The following ZNF587B variants were observed in gnomAD, a reference collection of about 807,000 sequenced individuals.
The protein encoded by ZNF587B is zinc finger protein 587B.
A neutral mutation model predicts 7.2 loss-of-function variants in ZNF587B; 6 were observed. That is an observed-to-expected ratio of 0.83 (90% confidence interval 0.46 to 1.65). ZNF587B has a LOEUF of 1.65. ZNF587B is among the 40% of genes most tolerant of loss of function. The pLI, the probability that ZNF587B is intolerant of heterozygous loss-of-function variation, is 0.01. For missense variants in ZNF587B, 749 were observed against 761.0 expected (o/e 0.98, Z 0.19); for synonymous variants, 274 against 254.3 (o/e 1.08, Z -0.74).
At chr19:57,831,282 A>C (rs1988381051) in intron 1 of ZNF587B, among the ~76,000 whole-genome samples, 1 of 152,216 alleles carries the variant, frequency 6.6e-6, no homozygotes, top group Admixed American at 6.5e-5. Flanking sequence ...GGGAGAATCT[A>C]AAAACAGGGT....
chr19:57,845,213 C>G lies in ZNF587B; in HGVS notation c.*2637C>G, dbSNP rs1203554683. ...TGGTCTTGAATTCAACTCTTGAGCT[C>G]AGGTGATCTGCTCACCTCCGCCTTC... On this transcript the variant is annotated 3_prime_UTR_variant, in exon 3 of 3. Coordinates refer to ENST00000594901, the MANE Select transcript of ZNF587B (RefSeq NM_001376223.1). 6.6e-6 allele frequency: 1 copy of G among 152,178 alleles called. No homozygotes were observed. The highest frequency in any genetic ancestry group is 2.4e-5 in the African/African-American group (1 of 41,406). 9.4% of individuals were successfully genotyped at this position (152,178 alleles called of 1,614,324 possible).
chr19:57,843,549 T>C lies in ZNF587B; in HGVS notation c.*973T>C. 4 of 984,618 alleles carry C rather than the reference T, an allele frequency of 4.1e-6. No individual in the cohort carries two copies. Among genetic ancestry groups the C allele is most frequent in the Non-Finnish European group, 4.8e-6 (4 of 829,718 alleles). The allele number at this position is 984,618 out of a possible 1,614,324, so 61.0% of individuals were successfully genotyped here. A position where few individuals can be genotyped will look rare whatever the true frequency, so the allele number is the denominator to read the frequency against. Reference sequence around the variant, plus strand: ...GTCTCCCATTCACGAGAGATTTTTTTTTTAAGTTTTTTGTTTGGTTGGTTG... The same window carrying C: ...GTCTCCCATTCACGAGAGATTTTTTCTTTAAGTTTTTTGTTTGGTTGGTTG... On this transcript the variant is annotated 3_prime_UTR_variant, in exon 3 of 3. Coordinates refer to ENST00000594901, the MANE Select transcript of ZNF587B (RefSeq NM_001376223.1).
Position 57,841,365 on chromosome 19 carries a change from C to T in ZNF587B, c.691C>T (p.Gln231Ter). Residue 231 changes from glutamine to a stop codon, truncating the protein, a stop_gained, in exon 3 of 3, where the codon CAG (glutamine) becomes TAG (stop). Transcript: ENST00000594901. LOFTEE classifies it low-confidence loss of function (END_TRUNC). ...KHFSTKHILS[Q>*]HQRLLPREEC... The stretch of plus-strand genomic sequence containing the variant: ...TTTTAGCACCAAACATATACTCAGT[C>T]AGCACCAGAGACTTCTCCCTCGAGA... 6.3e-7 allele frequency: 1 copy of T among 1,594,792 alleles called. No individual in the cohort carries two copies. The highest frequency in any genetic ancestry group is 1.3e-5 in the African/African-American group (1 of 74,574).
rs1344304079 is a variant in ZNF587B at position 57,841,403 on chromosome 19, G to C, written c.729G>C (p.Val243=). 16 of 1,586,324 alleles carry C rather than the reference G, an allele frequency of 1.0e-5. No homozygotes were observed. Among genetic ancestry groups the C allele is most frequent in the Non-Finnish European group, 1.4e-5 (16 of 1,165,420 alleles). ...QRLLPREECY[V]CCECGKSFSK... is the part of the protein sequence containing the mutation. ...TTCTCCCTCGAGAAGAATGTTATGT[G>C]TGCTGTGAATGTGGGAAATCCTTTA... The change falls in exon 3 of 3, where the codon GTG becomes GTC. Residue 243 remains valine, a synonymous_variant. Transcript: ENST00000594901.
At position 57,839,124 on chromosome 19, in the gene ZNF587B, G is replaced by C. The variant is rs551982428; in HGVS notation, c.138G>C (p.Glu46Asp). 2 of 1,614,204 alleles carry C rather than the reference G, an allele frequency of 1.2e-6. No individual in the cohort carries two copies. The highest frequency in any genetic ancestry group is 1.7e-6 in the Non-Finnish European group (2 of 1,180,038). Reference protein sequence around the residue: ...QRCLYRDVTLENLALMSSLGC... With the variant: ...QRCLYRDVTLDNLALMSSLGC... ...GCCTGTACCGTGATGTGACTCTGGA[G>C]AACCTGGCACTTATGTCCTCCCTGG... Residue 46 changes from glutamate to aspartate, a missense_variant, in exon 2 of 3, where the codon GAG becomes GAC. This residue lies in a region of ZNF587B where 72 missense variants were observed against 147.8 expected (regional missense o/e 0.49). Transcript: ENST00000594901.
chr19:57,831,379 C>T (rs897834011), intron 1 of ZNF587B, among the ~76,000 whole-genome samples: 18 of 152,158 alleles, frequency 1.2e-4, no homozygotes, highest in Non-Finnish European at 2.1e-4. Context: ...GACCTTACCT[C>T]GTTAGATGCA....
In ZNF587B at chr19:57,841,106, A is replaced by C; in HGVS notation, c.432A>C (p.Gly144=). 1 of 1,614,068 alleles carries C rather than the reference A, an allele frequency of 6.2e-7. No individual in the cohort carries two copies. The highest frequency in any genetic ancestry group is 8.5e-7 in the Non-Finnish European group (1 of 1,180,032). Residue 144 remains glycine (G), a synonymous_variant, in exon 3 of 3, where the codon GGA becomes GGC. Coordinates refer to ENST00000594901, the MANE Select transcript of ZNF587B (RefSeq NM_001376223.1). ...ATCAGCACCAGAATGAGCACATTGG[A>C]GAGAAACCCTACAGAGGGAGTGTTG... ...NFHQHQNEHI[G]EKPYRGSVEE...
chr19:57,840,001 C>G (rs915367841), intron 2 of ZNF587B, among the ~76,000 whole-genome samples: 20 of 146,564 alleles, frequency 1.4e-4, no homozygotes, highest in Admixed American at 2.8e-4. Flanking sequence ...CTGCTTGAAC[C>G]CAGGAGGCAG....
intron 1 of ZNF587B, among the ~76,000 whole-genome samples, chr19:57,831,221 T>G (rs537998738): frequency 4.6e-5 from 7 of 152,184 alleles, no homozygotes; most frequent in East Asian, 1.9e-4. Context: ...GGCTCTCTTA[T>G]GTAAGGGAGA....
rs1988852881 is a variant in ZNF587B at position 57,841,608 on chromosome 19, T to C, written c.934T>C (p.Tyr312His). ...ECGKYFSLEG[Y>H]LRRHQKVHAG... is the part of the protein sequence containing the mutation. ...TGGGAAATATTTTAGCTTAGAAGGA[T>C]ATCTTAGGCGCCATCAAAAAGTTCA... The change falls in exon 3 of 3, where the codon TAT (tyrosine) becomes CAT (histidine). Residue 312 changes from tyrosine to histidine, a missense_variant. Transcript: ENST00000594901. 8 of 1,582,484 alleles carry C rather than the reference T, an allele frequency of 5.1e-6. No individual in the cohort carries two copies. The South Asian group carries it at 8.0e-5, about 16-fold the overall frequency.
chr19:57,842,750 G>A lies in ZNF587B; in HGVS notation c.*174G>A. ...CAAGTAAAATAAATTTGGCAGTTTT[G>A]TAGCCACACCTCTGTATTCCTTCAG... On this transcript the variant is annotated 3_prime_UTR_variant, in exon 3 of 3. Transcript: ENST00000594901. 2 of 985,438 alleles carry A rather than the reference G, an allele frequency of 2.0e-6. No homozygotes were observed. Among genetic ancestry groups the A allele is most frequent in the Non-Finnish European group, 2.4e-6 (2 of 829,932 alleles). 61.0% of individuals were successfully genotyped at this position (985,438 alleles called of 1,614,324 possible). A position where few individuals can be genotyped will look rare whatever the true frequency, so the allele number is the denominator to read the frequency against.
Position 57,843,604 on chromosome 19 carries a change from T to TTTTG in ZNF587B, c.*1031_*1032insGTTT, listed in dbSNP as rs1181619889. On this transcript the variant is annotated 3_prime_UTR_variant, in exon 3 of 3. Coordinates refer to ENST00000594901, the MANE Select transcript of ZNF587B (RefSeq NM_001376223.1). ...GTTGGTTGGTTGTTTTTTTTTGTTT[T>TTTTG]TTTTTTTTTTTTTTTTGGAGACAAA... The TTTTG allele has an allele frequency of 1.1e-6, 1 of 874,152 alleles. No individual in the cohort carries two copies. Among genetic ancestry groups the TTTTG allele is most frequent in the African/African-American group, 2.1e-5 (1 of 48,528 alleles). The allele number at this position is 874,152 out of a possible 1,614,324, so 54.1% of individuals were successfully genotyped here.
intron 1 of ZNF587B, among the ~76,000 whole-genome samples, chr19:57,832,355 G>A (rs1988448301): frequency 6.6e-6 from 1 of 152,366 alleles, no homozygotes; most frequent in Non-Finnish European, 1.5e-5. Flanking sequence ...AAAGTGTTGG[G>A]ATTACAGGCG....
rs1988878064 is a variant in ZNF587B at position 57,841,973 on chromosome 19, T to G, written c.1299T>G (p.Thr433=). ...TTAGGAGTCATCAGCGAGTTCACAC[T>G]ACAGAAAGACCTTATAAGTGTGGGG... is the stretch of plus-strand genomic sequence containing the variant. The part of the protein sequence containing the change: ...GHLRSHQRVH[T]TERPYKCGEC... The change falls in exon 3 of 3, where the codon ACT becomes ACG. Residue 433 remains threonine (T), a synonymous_variant. Coordinates refer to ENST00000594901, the MANE Select transcript of ZNF587B (RefSeq NM_001376223.1). 6.2e-7 allele frequency: 1 copy of G among 1,609,982 alleles called. No homozygotes were observed.
Position 57,841,151 on chromosome 19 carries a change from G to T in ZNF587B, c.477G>T (p.Lys159Asn). Residue 159 changes from lysine (K) to asparagine (N), a missense_variant, in exon 3 of 3, where the codon AAG (lysine) becomes AAT (asparagine). Lys to Asn is a moderately conservative substitution (Grantham distance 94). This residue lies in a region of ZNF587B where 656 missense variants were observed against 596.5 expected (regional missense o/e 1.10). Coordinates refer to ENST00000594901, the MANE Select transcript of ZNF587B (RefSeq NM_001376223.1). ...RGSVEEALFV[K>N]RCKLHVSGES... ...GTGTTGAGGAGGCGTTGTTTGTGAAGAGGTGTAAGTTGCATGTGTCAGGGG... is the reference window on the plus strand; with the variant it reads ...GTGTTGAGGAGGCGTTGTTTGTGAATAGGTGTAAGTTGCATGTGTCAGGGG... 1 of 1,614,212 alleles carries T rather than the reference G, an allele frequency of 6.2e-7. No homozygotes were observed. Among genetic ancestry groups the T allele is most frequent in the Non-Finnish European group, 8.5e-7 (1 of 1,180,048 alleles).
Position 57,844,277 on chromosome 19 carries a change from G to C in ZNF587B, c.*1701G>C. 2.4e-6 allele frequency: 1 copy of C among 415,670 alleles called. No homozygotes were observed. Among genetic ancestry groups the C allele is most frequent in the Non-Finnish European group, 4.7e-6 (1 of 211,074 alleles). The allele number at this position is 415,670 out of a possible 1,614,324, so 25.7% of individuals were successfully genotyped here. On this transcript the variant is annotated 3_prime_UTR_variant, in exon 3 of 3. Transcript: ENST00000594901. ...ACACTTTGGGAGGCCGAGGTGGGTG[G>C]ATCACAAGGACAGGAAGGAGTTCAA...
rs1233997880 is a variant in ZNF587B, at chr19:57,841,580, A to G, written c.906A>G (p.Glu302=). 1 of 1,577,328 alleles carries G rather than the reference A, an allele frequency of 6.3e-7. No individual in the cohort carries two copies. The highest frequency in any genetic ancestry group is 8.6e-7 in the Non-Finnish European group (1 of 1,161,180). The change falls in exon 3 of 3, where the codon GAA becomes GAG. Residue 302 remains glutamate, a synonymous_variant. Coordinates refer to ENST00000594901, the MANE Select transcript of ZNF587B (RefSeq NM_001376223.1). ...HTGGKPYGCE[E]CGKYFSLEGY... ...GAGGAAAACCTTATGGGTGTGAAGA[A>G]TGTGGGAAATATTTTAGCTTAGAAG...
chr19:57,831,625 C>T (rs1988399252), intron 1 of ZNF587B, among the ~76,000 whole-genome samples: 1 of 152,106 alleles, frequency 6.6e-6, no homozygotes, highest in Non-Finnish European at 1.5e-5. Flanking sequence ...AACACCTGAT[C>T]TCAGGTGATT....
intron 1 of ZNF587B, among the ~76,000 whole-genome samples, chr19:57,838,566 A>G (rs539997928): frequency 1.3e-5 from 2 of 152,272 alleles, no homozygotes; most frequent in Admixed American, 1.3e-4. Context: ...GTGCCACTGC[A>G]CTCCAGCCTG....
Sources: allele counts gnomAD v4.1 joint callset (sites outside exome capture counted in the v4.1 genomes callset), GRCh38; gene constraint gnomAD v4.1.1; regional missense constraint gnomAD v4.1.1; transcripts MANE v1.5; gene names NCBI Gene and HGNC (gene_info 2026-07-23, HGNC 2026-07-21).